VPS50: variants seen among roughly 807,000 people sequenced by gnomAD.
VPS50 encodes syndetin.
VPS50 carries 70 observed loss-of-function variants against 139.7 expected under a neutral mutation model. The ratio of observed to expected loss-of-function variants is 0.50; its 90% CI spans 0.41 to 0.61. VPS50 has a LOEUF of 0.61. Ranked by LOEUF, VPS50 falls within the 20% of genes least tolerant of loss-of-function variation. VPS50 has a pLI of 0.00. For missense variants in VPS50, 921 were observed against 1,133.7 expected (o/e 0.81, Z 2.69); for synonymous variants, 365 against 376.7 (o/e 0.97, Z 0.36).
At chr7:93,347,707 G>T (rs370661751) in intron 23 of VPS50, among the ~76,000 whole-genome samples, 2,158 of 147,798 alleles carry the variant, frequency 0.015, 56 homozygotes, top group African/African-American at 0.052. Flanking sequence ...ATCATCATTC[G>T]CAGTAAACTA....
At chr7:93,257,611 G>A in intron 6 of VPS50, 147 bp downstream of exon 6, 1 of 529,460 alleles carries the variant, frequency 1.9e-6, no homozygotes, top group Non-Finnish European at 3.3e-6. Context: ...ATGATCTAAA[G>A]ACTACACTAA....
chr7:93,279,653 G>T (rs888383009), intron 12 of VPS50, among the ~76,000 whole-genome samples: 2 of 152,214 alleles, frequency 1.3e-5, no homozygotes, highest in African/African-American at 2.4e-5. Flanking sequence ...CAAGAAGCAG[G>T]AGAGTCCTCA....
chr7:93,237,748 A>T (rs534718381), intron 1 of VPS50, among the ~76,000 whole-genome samples: 26 of 152,176 alleles, frequency 1.7e-4, no homozygotes, highest in South Asian at 6.2e-4. Flanking sequence ...GGGTTTAAAA[A>T]TTTTTTTTAT....
rs551770486 is a variant in VPS50 at position 93,273,523 on chromosome 7, C to A, written c.801+790C>A. 2.6e-5 allele frequency: 4 copies of A among 151,556 alleles called. No homozygotes were observed. The South Asian group carries it at 8.4e-4, about 32-fold the overall frequency. The allele number at this position is 151,556 out of a possible 1,614,324, so 9.4% of individuals were successfully genotyped here. A position where few individuals can be genotyped will look rare whatever the true frequency, so the allele number is the denominator to read the frequency against. ...TTAATTTTCATGTCTTAAGCTATAC[C>A]CAAGAAAAAAATCTAAGAAGAAAGA... On this transcript the variant is annotated intron_variant, in intron 11 of 27. Coordinates refer to ENST00000305866, the MANE Select transcript of VPS50 (RefSeq NM_017667.4).
Position 93,252,729 on chromosome 7 carries a change from T to C in VPS50, c.179T>C (p.Val60Ala). The change falls in exon 3 of 28, where the codon GTA (valine) becomes GCA (alanine). Residue 60 changes from valine to alanine, a missense_variant. Physicochemically the swap from Val to Ala is moderately conservative, Grantham distance 64 (BLOSUM62 0). Around this residue, in one of 3 missense-constraint regions of VPS50, gnomAD observed 744 missense variants for 930.6 expected, o/e 0.80. Transcript: ENST00000305866. ...GAGCTTATTAATAGTATTGAACAAG[T>C]ATATTTTTCTGTGGATTCATTTGAT... ...EQELINSIEQ[V>A]YFSVDSFDIV... is the part of the protein sequence containing the mutation. 1 of 1,585,270 alleles carries C rather than the reference T, an allele frequency of 6.3e-7. No homozygotes were observed.
Position 93,257,244 on chromosome 7 carries a change from A to G in VPS50, c.352-150A>G, listed in dbSNP as rs1795514102. The G allele has an allele frequency of 5.4e-6, 3 of 555,066 alleles. No individual in the cohort carries two copies. In the African/African-American group the frequency reaches 5.9e-5, roughly 11 times the overall value. 34.4% of individuals were successfully genotyped at this position (555,066 alleles called of 1,614,324 possible). ...AAATAATTTTGTGAAAAATATACTA[A>G]TAGTTTTCAAGTTCAGGTATTTTTG... On this transcript the variant is annotated intron_variant, in intron 5 of 27. Coordinates refer to ENST00000305866, the MANE Select transcript of VPS50 (RefSeq NM_017667.4).
intron 22 of VPS50, among the ~76,000 whole-genome samples, chr7:93,336,802 G>A (rs1380356697): frequency 6.6e-6 from 1 of 151,970 alleles, no homozygotes; most frequent in Admixed American, 6.6e-5. Flanking sequence ...ATGAGCCACT[G>A]CACCTGGGCC....
At chr7:93,348,900 TCAGTC>T (rs1798479444) in intron 24 of VPS50, 93 bp downstream of exon 24, 4 of 833,066 alleles carry the variant, frequency 4.8e-6, no homozygotes, top group Non-Finnish European at 7.8e-6. Flanking sequence ...TAACTGGAAG[TCAGTC>T]TTGAAACCCC....
intron 21 of VPS50, among the ~76,000 whole-genome samples, chr7:93,330,558 G>T (rs550800304): frequency 6.6e-6 from 1 of 151,820 alleles, no homozygotes; most frequent in African/African-American, 2.4e-5. Flanking sequence ...GTTCGAGACC[G>T]GACTGGAAAA....
At chr7:93,265,940 T>C (rs1471338376) in intron 9 of VPS50, among the ~76,000 whole-genome samples, 1 of 152,226 alleles carries the variant, frequency 6.6e-6, no homozygotes, top group Non-Finnish European at 1.5e-5. Flanking sequence ...CAAAGTGATC[T>C]TAGGAATTCT....
intron 20 of VPS50, among the ~76,000 whole-genome samples, chr7:93,312,148 G>A (rs116272066): frequency 2.1e-3 from 314 of 152,154 alleles, no homozygotes; most frequent in African/African-American, 7.3e-3. Flanking sequence ...TCTAGAAAGA[G>A]CAAAAAATAT....
rs1444566645 is a variant in VPS50, at chr7:93,253,924, A to G, written c.290A>G (p.Gln97Arg). ...TATAGAGACAAATTGAAACAACAGC[A>G]AGCTGCAGTAAGTAAAAAAAAAACA... is the stretch of plus-strand genomic sequence containing the variant. ...EAYRDKLKQQ[Q>R]AAVSKKVADL... Residue 97 changes from glutamine (Q) to arginine (R), a missense_variant, in exon 4 of 28, where the codon CAA becomes CGA. Coordinates refer to ENST00000305866, the MANE Select transcript of VPS50 (RefSeq NM_017667.4). 1 of 1,574,842 alleles carries G rather than the reference A, an allele frequency of 6.3e-7. No homozygotes were observed. The highest frequency in any genetic ancestry group is 2.2e-5 in the East Asian group (1 of 44,610).
intron 11 of VPS50, among the ~76,000 whole-genome samples, chr7:93,275,114 G>T (rs1277574919): frequency 2.0e-5 from 3 of 152,184 alleles, no homozygotes; most frequent in Admixed American, 2.0e-4. Flanking sequence ...TTGAATGGAT[G>T]TAAGAATTGC....
At chr7:93,317,821 AAT>A (rs1797472823) in intron 20 of VPS50, among the ~76,000 whole-genome samples, 1 of 152,116 alleles carries the variant, frequency 6.6e-6, no homozygotes, top group Non-Finnish European at 1.5e-5. Context: ...TGTTTTTTTG[AAT>A]AAGTTGTTTT....
chr7:93,252,123 C>T (rs1306684995), intron 2 of VPS50, among the ~76,000 whole-genome samples: 1 of 152,118 alleles, frequency 6.6e-6, no homozygotes, highest in Non-Finnish European at 1.5e-5. Flanking sequence ...TGAAGGAAGC[C>T]TCATAGTATT....
chr7:93,300,757 C>T (rs941752867), intron 16 of VPS50, among the ~76,000 whole-genome samples: 2 of 151,410 alleles, frequency 1.3e-5, no homozygotes, highest in Non-Finnish European at 2.9e-5. Flanking sequence ...AGTTTGGTCT[C>T]GTTTTGCTGT....
chr7:93,276,997 C>T (rs1796175534), intron 12 of VPS50, among the ~76,000 whole-genome samples: 1 of 152,124 alleles, frequency 6.6e-6, no homozygotes, highest in African/African-American at 2.4e-5. Flanking sequence ...CTAGAGTGAT[C>T]AGGGCTGAGT....
At chr7:93,270,120 AT>A (rs200266847) in intron 9 of VPS50, among the ~76,000 whole-genome samples, 194 of 145,806 alleles carry the variant, frequency 1.3e-3, no homozygotes, top group Admixed American at 1.8e-3. Flanking sequence ...AGTTCTATTG[AT>A]TTTTTTTTTT....
At chr7:93,297,458 GA>G (rs1017566325) in intron 16 of VPS50, among the ~76,000 whole-genome samples, 8 of 152,004 alleles carry the variant, frequency 5.3e-5, no homozygotes, top group African/African-American at 1.9e-4. Flanking sequence ...TTTTTGTCTT[GA>G]GGGGCTTAAA....
Sources: gnomAD v4.1 joint callset for allele counts (sites outside exome capture counted in the v4.1 genomes callset) on GRCh38, gnomAD v4.1.1 for gene constraint, gnomAD v4.1.1 regional missense constraint, MANE v1.5 for transcripts, NCBI Gene and HGNC (gene_info 2026-07-23, HGNC 2026-07-21) for gene names.